BMP2K: variants seen among roughly 807,000 people sequenced by gnomAD.
BMP2K encodes BMP2 inducible kinase.
A neutral mutation model predicts 116.0 loss-of-function variants in BMP2K; 74 were observed. The observed-to-expected ratio is 0.64, with a 90% CI of 0.53 to 0.77. The LOEUF is 0.77. Among genes scored for constraint, BMP2K ranks in the 30% least tolerant of loss-of-function variants. The pLI is 0.00. For synonymous variants in BMP2K, 486 were observed against 502.5 expected, an observed-to-expected ratio of 0.97 and a Z score of 0.44; for missense variants, 1,365 against 1,403.6, an observed-to-expected ratio of 0.97 and a Z score of 0.44.
rs1312296804 is a variant in BMP2K at position 78,878,768 on chromosome 4, A to G, written c.1828A>G (p.Thr610Ala). ...TGATAAAGAGGCCATTGCAAATTTC[A>G]CAAATCAGAAGAACATCAGCAATCC... is the stretch of plus-strand genomic sequence containing the variant. ...VADKEAIANF[T>A]NQKNISNPPD... The change falls in exon 14 of 16, where the codon ACA (threonine) becomes GCA (alanine). Residue 610 changes from threonine to alanine, a missense_variant. This residue lies in a region of BMP2K where 762 missense variants were observed against 756.7 expected (regional missense o/e 1.01). Transcript: ENST00000502613. 6.2e-7 allele frequency: 1 copy of G among 1,612,440 alleles called. No individual in the cohort carries two copies. The highest frequency in any genetic ancestry group is 1.7e-5 in the Admixed American group (1 of 59,702).
intron 15 of BMP2K, among the ~76,000 whole-genome samples, chr4:78,905,506 TAC>T (rs1451244270): frequency 1.3e-5 from 2 of 151,976 alleles, no homozygotes; most frequent in African/African-American, 2.4e-5. Flanking sequence ...GTGCACCATC[TAC>T]ACAGTTTTTA....
intron 14 of BMP2K, among the ~76,000 whole-genome samples, chr4:78,883,726 A>G (rs1323819328): frequency 6.6e-6 from 1 of 152,080 alleles, no homozygotes; most frequent in Non-Finnish European, 1.5e-5. Flanking sequence ...TGATAACTTC[A>G]CAGTTTTATA....
At chr4:78,882,172 C>T (rs1288597504) in intron 14 of BMP2K, among the ~76,000 whole-genome samples, 1 of 151,472 alleles carries the variant, frequency 6.6e-6, no homozygotes, top group African/African-American at 2.4e-5. Context: ...GTGTATTATC[C>T]AGAAAGTAAT....
chr4:78,848,767 T>C (rs944015269), intron 6 of BMP2K, among the ~76,000 whole-genome samples: 2 of 150,936 alleles, frequency 1.3e-5, no homozygotes, highest in Non-Finnish European at 3.0e-5. Flanking sequence ...GATTCTGTGA[T>C]GGAAAAACTG....
In BMP2K at chr4:78,891,550, T is replaced by C. The variant is rs1035840853; in HGVS notation, c.2062+4266T>C. ...ATTGAACCTCTAATTTAAATTTTGT[T>C]CTCCTCTGTTTTCTAGCTCTTTGTC... On this transcript the variant is annotated intron_variant, in intron 15 of 15. Transcript: ENST00000502613. Among the ~76,000 whole-genome samples the C allele has an allele frequency of 6.0e-4, 92 of 152,216 alleles. 1 individual carries two copies. The highest frequency in any genetic ancestry group is 1.0e-4 in the Non-Finnish European group (7 of 68,036).
chr4:78,907,362 A>G (rs969402226), intron 15 of BMP2K, among the ~76,000 whole-genome samples: 10 of 152,300 alleles, frequency 6.6e-5, no homozygotes, highest in African/African-American at 2.2e-4. Flanking sequence ...TGAAAACAGT[A>G]AATTTTAAGA....
intron 1 of BMP2K, among the ~76,000 whole-genome samples, chr4:78,817,328 C>CTA (rs1399361316): frequency 6.6e-6 from 1 of 152,198 alleles, no homozygotes; most frequent in Non-Finnish European, 1.5e-5. Context: ...CAAACACCAG[C>CTA]TCTAAGTCTT....
At chr4:78,782,955 A>G (rs143167970) in intron 1 of BMP2K, among the ~76,000 whole-genome samples, 1 of 152,312 alleles carries the variant, frequency 6.6e-6, no homozygotes, top group East Asian at 1.9e-4. Context: ...GTTAATATCT[A>G]TTATGAAGAT....
intron 1 of BMP2K, among the ~76,000 whole-genome samples, chr4:78,823,536 GGTTATATATATA>G (rs899523208): frequency 2.1e-5 from 3 of 145,212 alleles, no homozygotes; most frequent in Admixed American, 6.9e-5. Flanking sequence ...TTATATATAT[GGTTATATATATA>G]GTTATATATA....
At chr4:78,868,625 A>G (rs1399139225) in intron 10 of BMP2K, among the ~76,000 whole-genome samples, 1 of 152,188 alleles carries the variant, frequency 6.6e-6, no homozygotes, top group African/African-American at 2.4e-5. Context: ...ATCAAAAGCA[A>G]GCTAGTTACT....
chr4:78,803,890 G>T (rs1347069035), intron 1 of BMP2K, among the ~76,000 whole-genome samples: 1 of 152,062 alleles, frequency 6.6e-6, no homozygotes, highest in Non-Finnish European at 1.5e-5. Context: ...CATATTCTGA[G>T]ATCTGTGCTT....
intron 15 of BMP2K, among the ~76,000 whole-genome samples, chr4:78,890,404 G>GCA (rs149825379): frequency 0.12 from 17,753 of 147,942 alleles, 1,293 homozygotes; most frequent in African/African-American, 0.2. Context: ...ACAATCATGC[G>GCA]CACACACACA....
At chr4:78,812,274 T>C (rs17003453) in intron 1 of BMP2K, among the ~76,000 whole-genome samples, 9,601 of 152,244 alleles carry the variant, frequency 0.063, 415 homozygotes, top group East Asian at 0.22. Flanking sequence ...TGGCCTTTAA[T>C]GGGAATTTTT....
chr4:78,864,093 ACAT>A (rs1731927974), intron 9 of BMP2K, among the ~76,000 whole-genome samples: 1 of 152,162 alleles, frequency 6.6e-6, no homozygotes, highest in African/African-American at 2.4e-5. Flanking sequence ...TAAAACAGAG[ACAT>A]CAGAGTGAAC....
intron 9 of BMP2K, among the ~76,000 whole-genome samples, chr4:78,861,940 T>C (rs1159249792): frequency 6.6e-6 from 1 of 151,956 alleles, no homozygotes; most frequent in Non-Finnish European, 1.5e-5. Flanking sequence ...TTCAATCTTA[T>C]TTTTCAGAGT....
intron 4 of BMP2K, among the ~76,000 whole-genome samples, chr4:78,843,437 C>A (rs1401939611): frequency 6.7e-6 from 1 of 148,950 alleles, no homozygotes; most frequent in Non-Finnish European, 1.5e-5. Flanking sequence ...TTTTTTTTTT[C>A]TTCCATTTTT....
At chr4:78,865,008 T>C (rs1222306873) in intron 9 of BMP2K, among the ~76,000 whole-genome samples, 2 of 152,220 alleles carry the variant, frequency 1.3e-5, no homozygotes, top group African/African-American at 4.8e-5. Flanking sequence ...TTATATACTT[T>C]CCATTCTGTG....
At chr4:78,792,321 G>T (rs1728042024) in intron 1 of BMP2K, among the ~76,000 whole-genome samples, 2 of 152,192 alleles carry the variant, frequency 1.3e-5, no homozygotes, top group Non-Finnish European at 2.9e-5. Flanking sequence ...GAAATACAAA[G>T]CACTTTTGCT....
rs2110111516 is a variant in BMP2K at position 78,911,800 on chromosome 4, C to T, written c.3253C>T (p.His1085Tyr). The change falls in exon 16 of 16, where the codon CAT (histidine) becomes TAT (tyrosine). Residue 1085 changes from histidine (H) to tyrosine (Y), a missense_variant. By Grantham distance (83) the His-to-Tyr change is moderately conservative (BLOSUM62 2). Coordinates refer to ENST00000502613, the MANE Select transcript of BMP2K (RefSeq NM_198892.2). The part of the protein sequence containing the change: ...HSPDLSWHPP[H>Y]QGLSDIRADH... ...TCCAGACCTGTCATGGCACCCTCCACATCAGGGCCTGAGCGACATCCGTGC... is the reference window on the plus strand; with the variant it reads ...TCCAGACCTGTCATGGCACCCTCCATATCAGGGCCTGAGCGACATCCGTGC... 1.2e-6 allele frequency: 2 copies of T among 1,613,980 alleles called. No individual in the cohort carries two copies. Among genetic ancestry groups the T allele is most frequent in the South Asian group, 1.1e-5 (1 of 91,084 alleles).
Sources: allele counts gnomAD v4.1 joint callset (sites outside exome capture counted in the v4.1 genomes callset), GRCh38; gene constraint gnomAD v4.1.1; regional missense constraint gnomAD v4.1.1; transcripts MANE v1.5; gene names NCBI Gene and HGNC (gene_info 2026-07-23, HGNC 2026-07-21).